MTUS2: variants seen among roughly 807,000 people sequenced by gnomAD.
MTUS2 encodes microtubule-associated tumor suppressor candidate 2.
A neutral mutation model predicts 114.1 loss-of-function variants in MTUS2; 40 were observed. The observed-to-expected ratio is 0.35, with a 90% CI of 0.27 to 0.46. The LOEUF (loss-of-function observed/expected upper bound fraction) is 0.46. Ranked by LOEUF, MTUS2 falls within the 20% of genes least tolerant of loss-of-function variation. MTUS2 has a pLI of 1.00. For synonymous variants in MTUS2, 688 were observed against 672.0 expected (o/e 1.02, Z -0.37); for missense variants, 1,679 against 1,705.4 (o/e 0.98, Z 0.27).
chr13:29,248,975 C>T (rs981352845), intron 5 of MTUS2, among the ~76,000 whole-genome samples: 5 of 151,764 alleles, frequency 3.3e-5, no homozygotes, highest in African/African-American at 1.2e-4. Context: ...TGATTTCTTT[C>T]GTTCGTTTGT....
chr13:29,221,522 C>A (rs1037363065), intron 5 of MTUS2, among the ~76,000 whole-genome samples: 8 of 152,142 alleles, frequency 5.3e-5, no homozygotes, highest in African/African-American at 1.9e-4. Flanking sequence ...CTACAAATTG[C>A]TGGTTTATAT....
At chr13:29,017,819 T>C (rs1449021902) in intron 2 of MTUS2, among the ~76,000 whole-genome samples, 1 of 152,124 alleles carries the variant, frequency 6.6e-6, no homozygotes, top group Non-Finnish European at 1.5e-5. Context: ...AGAAATTACA[T>C]AGCAAACAGA....
intron 5 of MTUS2, among the ~76,000 whole-genome samples, chr13:29,218,204 A>T (rs1404177047): frequency 6.6e-6 from 1 of 152,162 alleles, no homozygotes; most frequent in African/African-American, 2.4e-5. Context: ...TGGGGAGTAG[A>T]TATTCAATTT....
intron 2 of MTUS2, among the ~76,000 whole-genome samples, chr13:29,013,592 T>C (rs757482515): frequency 1.3e-5 from 2 of 152,240 alleles, no homozygotes; most frequent in Non-Finnish European, 2.9e-5. Context: ...GTGGCTTCTT[T>C]TCTTTAAGAC....
chr13:29,275,479 T>C (rs1898029498), intron 5 of MTUS2, among the ~76,000 whole-genome samples: 1 of 152,210 alleles, frequency 6.6e-6, no homozygotes, highest in African/African-American at 2.4e-5. Flanking sequence ...ATTCTATTTT[T>C]TGTACCCATT....
intron 4 of MTUS2, among the ~76,000 whole-genome samples, chr13:29,053,402 C>T (rs927551894): frequency 6.6e-6 from 1 of 152,156 alleles, no homozygotes; most frequent in Non-Finnish European, 1.5e-5. Context: ...GATGACAGAG[C>T]ATTGCCATTT....
chr13:29,093,460 A>C (rs1209769647), intron 4 of MTUS2, among the ~76,000 whole-genome samples: 1 of 152,122 alleles, frequency 6.6e-6, no homozygotes, highest in Non-Finnish European at 1.5e-5. Flanking sequence ...AGAAAACAAA[A>C]AACTATGGAG....
intron 5 of MTUS2, among the ~76,000 whole-genome samples, chr13:29,104,035 C>G (rs908225024): frequency 1.3e-5 from 2 of 152,112 alleles, no homozygotes; most frequent in South Asian, 2.1e-4. Flanking sequence ...CATGCATCCC[C>G]CTGGACATGA....
At chr13:29,052,603 A>G (rs370110430) in intron 4 of MTUS2, among the ~76,000 whole-genome samples, 129 of 152,352 alleles carry the variant, frequency 8.5e-4, no homozygotes, top group African/African-American at 2.9e-3. Context: ...AAGAAATTTC[A>G]GAGGATAAAT....
intron 2 of MTUS2, among the ~76,000 whole-genome samples, chr13:28,970,720 A>C (rs1401364079): frequency 6.6e-6 from 1 of 152,186 alleles, no homozygotes; most frequent in Non-Finnish European, 1.5e-5. Flanking sequence ...CGGCCCTCAG[A>C]TGCCATATTC....
rs1901004014 is a variant in MTUS2 at position 29,335,371 on chromosome 13, G to GTCA, written c.2905+10661_2905+10662insCAT. Reference sequence around the variant, plus strand: ...CTCAAACCCTGTCTCCTGATAAGATGTTATCAGTGACAATGTGTGCCCGAA... The same window carrying GTCA: ...CTCAAACCCTGTCTCCTGATAAGATGTCATTATCAGTGACAATGTGTGCCCGAA... On this transcript the variant is annotated intron_variant, in intron 7 of 15. Transcript: ENST00000612955. 3.3e-5 allele frequency among the ~76,000 whole-genome samples: 5 copies of GTCA among 152,278 alleles called. No individual in the cohort carries two copies. In the South Asian group the frequency reaches 1.0e-3, roughly 32 times the overall value.
chr13:29,263,302 C>T (rs1181440461), intron 5 of MTUS2, among the ~76,000 whole-genome samples: 1 of 152,136 alleles, frequency 6.6e-6, no homozygotes, highest in Non-Finnish European at 1.5e-5. Flanking sequence ...TTGATCAGGG[C>T]ATTAGGTATA....
At chr13:29,069,074 A>G (rs1888792994) in intron 4 of MTUS2, among the ~76,000 whole-genome samples, 1 of 152,150 alleles carries the variant, frequency 6.6e-6, no homozygotes, top group Non-Finnish European at 1.5e-5. Flanking sequence ...AGGGTAGGGG[A>G]TGGAGAGAAG....
intron 2 of MTUS2, among the ~76,000 whole-genome samples, chr13:28,852,719 G>A (rs1876359117): frequency 6.6e-6 from 1 of 152,058 alleles, no homozygotes; most frequent in Admixed American, 6.6e-5. Flanking sequence ...ACAAAAATTA[G>A]CCAGGTGTGG....
intron 2 of MTUS2, among the ~76,000 whole-genome samples, chr13:28,901,731 T>A (rs558199431): frequency 5.1e-4 from 77 of 152,310 alleles, no homozygotes; most frequent in African/African-American, 1.1e-3. Context: ...TCTATGCCTC[T>A]ACCAATACCA....
rs575022841 is a variant in MTUS2 at position 28,834,950 on chromosome 13, T to A, written c.-315-4828T>A. ...ATGGAAAGGCAGTCTACATTAGTCATTAGGGAAATGCAAATTAAAACCACA... is the reference window on the plus strand; with the variant it reads ...ATGGAAAGGCAGTCTACATTAGTCAATAGGGAAATGCAAATTAAAACCACA... On this transcript the variant is annotated intron_variant, in intron 1 of 15. Coordinates refer to ENST00000612955, the MANE Select transcript of MTUS2 (RefSeq NM_001033602.4). Among the ~76,000 whole-genome samples the A allele has an allele frequency of 2.0e-5, 3 of 152,234 alleles. No homozygotes were observed. In the South Asian group the frequency reaches 6.2e-4, roughly 32 times the overall value.
chr13:29,391,202 GC>G (rs1210269504), intron 8 of MTUS2, among the ~76,000 whole-genome samples: 1 of 152,112 alleles, frequency 6.6e-6, no homozygotes, highest in East Asian at 1.9e-4. Flanking sequence ...TGATTCTTGT[GC>G]CTTAGCCTCC....
intron 7 of MTUS2, among the ~76,000 whole-genome samples, chr13:29,330,919 C>A (rs1366997989): frequency 1.3e-5 from 2 of 152,064 alleles, no homozygotes; most frequent in African/African-American, 4.8e-5. Flanking sequence ...GCAATGCAGG[C>A]TCTTTTTTGG....
rs769164651 is a variant in MTUS2 at position 28,835,190 on chromosome 13, A to G, written c.-315-4588A>G. Reference sequence around the variant, plus strand: ...GTATACTCAAGAGAATTGAAAACTTACATATCCATATAAAAACTTGCACAT... The same window carrying G: ...GTATACTCAAGAGAATTGAAAACTTGCATATCCATATAAAAACTTGCACAT... On this transcript the variant is annotated intron_variant, in intron 1 of 15. Coordinates refer to ENST00000612955, the MANE Select transcript of MTUS2 (RefSeq NM_001033602.4). Among the ~76,000 whole-genome samples, 336 of 152,238 alleles carry G rather than the reference A, an allele frequency of 2.2e-3. 2 individuals carry two copies. The highest frequency in any genetic ancestry group is 3.0e-3 in the Non-Finnish European group (204 of 68,040).
Sources: gnomAD v4.1 joint callset for allele counts (sites outside exome capture counted in the v4.1 genomes callset) on GRCh38, gnomAD v4.1.1 for gene constraint, MANE v1.5 for transcripts, NCBI Gene and HGNC (gene_info 2026-07-23, HGNC 2026-07-21) for gene names.